The following PCDHGB4 variants were observed in gnomAD, a reference collection of about 807,000 sequenced individuals.
The protein encoded by PCDHGB4 is protocadherin gamma-B4.
PCDHGB4 carries 38 observed loss-of-function variants against 60.5 expected under a neutral mutation model. That is an observed-to-expected ratio of 0.63 (90% CI 0.48 to 0.82). The LOEUF (loss-of-function observed/expected upper bound fraction) is 0.82, where lower values mean the gene tolerates loss of function less well. PCDHGB4 is among the 40% of genes least tolerant of loss of function. The probability of loss-of-function intolerance (pLI) is 0.00; values close to 1 mark genes in which losing one functional copy is unlikely to be tolerated. For synonymous variants in PCDHGB4, 456 were observed against 509.7 expected, an observed-to-expected ratio of 0.89 and a Z score of 1.42; for missense variants, 1,109 against 1,209.6, an observed-to-expected ratio of 0.92 and a Z score of 1.23.
chr5:141,491,616 C>T lies in PCDHGB4; in HGVS notation c.2398-3191C>T. 1 of 1,613,944 alleles carries T rather than the reference C, an allele frequency of 6.2e-7. No homozygotes were observed. Among genetic ancestry groups the T allele is most frequent in the South Asian group, 1.1e-5 (1 of 91,082 alleles). On this transcript the variant is annotated intron_variant, in intron 1 of 3. Coordinates refer to ENST00000519479, the MANE Select transcript of PCDHGB4 (RefSeq NM_003736.4). The surrounding 1 kb of genome is among the most constrained non-coding windows in gnomAD (Gnocchi z 6.9). ...GCAGTGACTTCACTTTTCTAAGACC[C>T]CTCAGCGTTCAGCAGCCCACAGCTC...
chr5:141,399,203 G>C, intron 1 of PCDHGB4: 1 of 1,613,940 alleles, frequency 6.2e-7, no homozygotes, highest in Middle Eastern at 1.6e-4. Context: ...GCGGTGCCTG[G>C]AACACTAATT....
chr5:141,393,899 C>T, intron 1 of PCDHGB4: 1 of 1,613,932 alleles, frequency 6.2e-7, no homozygotes, highest in Non-Finnish European at 8.5e-7. Context: ...ATTCTCTTCC[C>T]GGGACAGTAA....
intron 1 of PCDHGB4, chr5:141,423,091 G>GCGTAC (rs2096708211): frequency 2.5e-6 from 4 of 1,613,908 alleles, no homozygotes; most frequent in African/African-American, 2.7e-5. Context: ...CGCGGTGGGG[G>GCGTAC]AGCACACGGG....
In PCDHGB4 at chr5:141,490,770, C is replaced by T. The variant is rs774014462; in HGVS notation, c.2398-4037C>T. 1.2e-6 allele frequency: 2 copies of T among 1,614,120 alleles called. No individual in the cohort carries two copies. Among genetic ancestry groups the T allele is most frequent in the Non-Finnish European group, 8.5e-7 (1 of 1,179,968 alleles). ...CAGCCTCCTCCTTTGTGTATGTCAA[C>T]CCAGAGGATGGACGGATCTTTGCCC... On this transcript the variant is annotated intron_variant, in intron 1 of 3. Transcript: ENST00000519479. The surrounding 1 kb of genome is among the most constrained non-coding windows in gnomAD (Gnocchi z 5.4).
At chr5:141,434,521 T>G (rs2097700467) in intron 1 of PCDHGB4, among the ~76,000 whole-genome samples, 1 of 152,202 alleles carries the variant, frequency 6.6e-6, no homozygotes, top group Non-Finnish European at 1.5e-5. Flanking sequence ...AAAGGTGTTC[T>G]TAAACCACAA....
intron 2 of PCDHGB4, among the ~76,000 whole-genome samples, chr5:141,495,834 C>T (rs1366861675): frequency 6.6e-6 from 1 of 152,198 alleles, no homozygotes; most frequent in African/African-American, 2.4e-5. Context: ...CTATCCCCAG[C>T]CTCTATGTTT....
chr5:141,400,499 G>A (rs1258690272), intron 1 of PCDHGB4: 8 of 1,613,910 alleles, frequency 5.0e-6, no homozygotes, highest in Non-Finnish European at 6.8e-6. Context: ...TGTAATTCCA[G>A]CGAGTCGACT....
At chr5:141,399,256 G>T in intron 1 of PCDHGB4, 3 of 1,613,964 alleles carry the variant, frequency 1.9e-6, no homozygotes, top group Non-Finnish European at 2.5e-6. Flanking sequence ...GGAAAATGGG[G>T]AGGTTAATTG....
rs1301800438 is a variant in PCDHGB4, at chr5:141,432,966, C to T, written c.2397+42685C>T. ...TCAGGAGGCGGCTTGACAGGAGCGC[C>T]GGCGTCGCACTTTGTGGGCGTGGAC... On this transcript the variant is annotated intron_variant, in intron 1 of 3. Coordinates refer to ENST00000519479, the MANE Select transcript of PCDHGB4 (RefSeq NM_003736.4). This position sits in a 1 kb window ranked among gnomAD's most constrained non-coding sequence, Gnocchi z 6.0. 1.2e-6 allele frequency: 2 copies of T among 1,614,066 alleles called. No homozygotes were observed. The highest frequency in any genetic ancestry group is 8.5e-7 in the Non-Finnish European group (1 of 1,180,052).
At chr5:141,418,455 C>G (rs1287627325) in intron 1 of PCDHGB4, 3 of 1,613,990 alleles carry the variant, frequency 1.9e-6, no homozygotes, top group Non-Finnish European at 2.5e-6. Flanking sequence ...TTGCAGAAGA[C>G]TCTGGACCGA....
chr5:141,501,509 C>T lies in PCDHGB4; in HGVS notation c.2457-3884C>T, dbSNP rs1046763108. 4.6e-5 allele frequency among the ~76,000 whole-genome samples: 7 copies of T among 152,080 alleles called. No individual in the cohort carries two copies. The South Asian group carries it at 6.2e-4, about 14-fold the overall frequency. On this transcript the variant is annotated intron_variant, in intron 2 of 3. Transcript: ENST00000519479. The stretch of plus-strand genomic sequence containing the variant: ...ATATCTGCTGCTGGGGCTCCAAGGC[C>T]TCCAAGCTGAAGCCCAGTACGTTGT...
intron 1 of PCDHGB4, among the ~76,000 whole-genome samples, chr5:141,453,673 AC>A (rs1459216908): frequency 6.6e-6 from 1 of 152,230 alleles, no homozygotes; most frequent in African/African-American, 2.4e-5. Flanking sequence ...ACAAAAGGTA[AC>A]ACACTATGTA....
intron 1 of PCDHGB4, chr5:141,441,971 G>T: frequency 3.3e-6 from 1 of 298,820 alleles, no homozygotes; most frequent in Non-Finnish European, 6.5e-6. Context: ...AGGCTCTTCA[G>T]CCTGGAATGC....
In PCDHGB4 at chr5:141,476,218, C is replaced by G. The variant is rs1562052166; in HGVS notation, c.2398-18589C>G. On this transcript the variant is annotated intron_variant, in intron 1 of 3. Transcript: ENST00000519479. The surrounding 1 kb of genome is among the most constrained non-coding windows in gnomAD (Gnocchi z 7.6). ...TGAACAAGGCTTCCACGGTCATTCA[C>G]TATGAGATCCCGGAGGAAAGAGAGA... is the stretch of plus-strand genomic sequence containing the variant. 1 of 1,613,984 alleles carries G rather than the reference C, an allele frequency of 6.2e-7. No homozygotes were observed.
intron 1 of PCDHGB4, among the ~76,000 whole-genome samples, chr5:141,474,185 C>T (rs1481544975): frequency 1.3e-5 from 2 of 152,180 alleles, no homozygotes; most frequent in Non-Finnish European, 2.9e-5. Flanking sequence ...AAACTACTTA[C>T]ATTTTTAAAA....
chr5:141,485,821 T>C lies in PCDHGB4; in HGVS notation c.2398-8986T>C, dbSNP rs765768266. 4 of 1,614,134 alleles carry C rather than the reference T, an allele frequency of 2.5e-6. No homozygotes were observed. Among genetic ancestry groups the C allele is most frequent in the Admixed American group, 1.7e-5 (1 of 60,014 alleles). ...ACCGCCTGGTGCTGACTGCTGTCGATGGAGGGAACCCGCCGAGATCTGGCA... is the reference window on the plus strand; with the variant it reads ...ACCGCCTGGTGCTGACTGCTGTCGACGGAGGGAACCCGCCGAGATCTGGCA... On this transcript the variant is annotated intron_variant, in intron 1 of 3. Coordinates refer to ENST00000519479, the MANE Select transcript of PCDHGB4 (RefSeq NM_003736.4). This position sits in a 1 kb window ranked among gnomAD's most constrained non-coding sequence, Gnocchi z 5.7.
intron 1 of PCDHGB4, among the ~76,000 whole-genome samples, chr5:141,436,469 G>A (rs376024456): frequency 6.6e-6 from 1 of 152,304 alleles, no homozygotes; most frequent in East Asian, 1.9e-4. Flanking sequence ...ATTTTCAGAT[G>A]TATCATAGAA....
intron 1 of PCDHGB4, chr5:141,416,766 T>C (rs906070451): frequency 2.0e-5 from 3 of 152,212 alleles, no homozygotes; most frequent in African/African-American, 7.2e-5. Context: ...GATCTCTTAA[T>C]TTTATTACTA....
chr5:141,409,904 G>T lies in PCDHGB4; in HGVS notation c.2397+19623G>T, dbSNP rs757396196. 10 of 1,613,278 alleles carry T rather than the reference G, an allele frequency of 6.2e-6. No homozygotes were observed. The South Asian group carries it at 1.1e-4, about 18-fold the overall frequency. On this transcript the variant is annotated intron_variant, in intron 1 of 3. Coordinates refer to ENST00000519479, the MANE Select transcript of PCDHGB4 (RefSeq NM_003736.4). ...ACCGCGGGTGCTGTACCCAGCTCTGGGTCCTGACGGCTCCGCGTTCTTCGA... is the reference window on the plus strand; with the variant it reads ...ACCGCGGGTGCTGTACCCAGCTCTGTGTCCTGACGGCTCCGCGTTCTTCGA...
Sources: allele counts gnomAD v4.1 joint callset (sites outside exome capture counted in the v4.1 genomes callset), GRCh38; gene constraint gnomAD v4.1.1; non-coding constraint Gnocchi (gnomAD v3.1); transcripts MANE v1.5; gene names NCBI Gene and HGNC (gene_info 2026-07-23, HGNC 2026-07-21).